The following CLNK variants were observed in gnomAD, a reference collection of about 807,000 sequenced individuals.
CLNK encodes cytokine dependent hematopoietic cell linker.
Under a neutral mutation model 68.6 loss-of-function variants are expected in CLNK, and 74 were observed. The ratio of observed to expected loss-of-function variants is 1.08; its 90% CI spans 0.89 to 1.31. The LOEUF is 1.31. CLNK is among the 50% of genes most tolerant of loss of function. The probability of loss-of-function intolerance (pLI) is 0.00; values close to 1 mark genes in which losing one functional copy is unlikely to be tolerated. For missense variants in CLNK, 553 were observed against 515.3 expected, an observed-to-expected ratio of 1.07 and a Z score of -0.71; for synonymous variants, 198 against 172.2, an observed-to-expected ratio of 1.15 and a Z score of -1.17.
the CLNK span, among the ~76,000 whole-genome samples, chr4:10,724,831 C>T: frequency 5.1e-4 from 78 of 152,312 alleles, 1 homozygote; most frequent in Non-Finnish European, 9.8e-4. Flanking sequence ...GGGAAGGGAA[C>T]TTCCCCTTCT....
At chr4:10,603,416 C>A (rs1721664414) in intron 2 of CLNK, among the ~76,000 whole-genome samples, 1 of 152,334 alleles carries the variant, frequency 6.6e-6, no homozygotes, top group East Asian at 1.9e-4. Flanking sequence ...ATCCTCTTAA[C>A]AATCCTATGA....
Position 10,490,140 on chromosome 4 carries a change from C to T in CLNK, c.*327G>A, listed in dbSNP as rs1342188111. On this transcript the variant is annotated 3_prime_UTR_variant, in exon 19 of 19. Coordinates refer to ENST00000226951, the MANE Select transcript of CLNK (RefSeq NM_052964.4). ...AGCTTCTGGTGCCCTTTGCTGCTCGCCTGTATCATGAGCATAATGGCTATG... is the reference window on the plus strand; with the variant it reads ...AGCTTCTGGTGCCCTTTGCTGCTCGTCTGTATCATGAGCATAATGGCTATG... 4.5e-6 allele frequency: 1 copy of T among 224,576 alleles called. No individual in the cohort carries two copies. The highest frequency in any genetic ancestry group is 2.3e-5 in the African/African-American group (1 of 42,940). 13.9% of individuals were successfully genotyped at this position (224,576 alleles called of 1,614,324 possible).
intron 8 of CLNK, among the ~76,000 whole-genome samples, chr4:10,543,008 A>G (rs1034673479): frequency 6.6e-6 from 1 of 152,172 alleles, no homozygotes; most frequent in Non-Finnish European, 1.5e-5. Context: ...CACTGGGGAA[A>G]AAAGACAAAT....
intron 2 of CLNK, among the ~76,000 whole-genome samples, chr4:10,662,385 T>G (rs1445866534): frequency 6.6e-6 from 1 of 152,242 alleles, no homozygotes; most frequent in Non-Finnish European, 1.5e-5. Flanking sequence ...ACACAGTGCA[T>G]GTGCTGTACA....
intron 16 of CLNK, among the ~76,000 whole-genome samples, chr4:10,509,076 C>T (rs1717450238): frequency 7.5e-6 from 1 of 133,206 alleles, no homozygotes. Flanking sequence ...CACTGCACTC[C>T]AGCCTGGTGA....
At chr4:10,493,795 AG>A (rs1327636509) in intron 18 of CLNK, among the ~76,000 whole-genome samples, 2 of 152,200 alleles carry the variant, frequency 1.3e-5, no homozygotes, top group Non-Finnish European at 2.9e-5. Context: ...CTGAGTTCAA[AG>A]CCTGGCTCTC....
At chr4:10,652,431 A>T (rs1395583254) in intron 2 of CLNK, among the ~76,000 whole-genome samples, 2 of 151,080 alleles carry the variant, frequency 1.3e-5, no homozygotes, top group Non-Finnish European at 3.0e-5. Context: ...GTTTCACTAG[A>T]TTAAAAATTC....
At chr4:10,677,566 G>T (rs1724923092) in intron 1 of CLNK, among the ~76,000 whole-genome samples, 1 of 152,058 alleles carries the variant, frequency 6.6e-6, no homozygotes, top group African/African-American at 2.4e-5. Context: ...GATCATGGGG[G>T]TGGTTTCCCC....
At chr4:10,633,487 C>G (rs1055559403) in intron 2 of CLNK, among the ~76,000 whole-genome samples, 2 of 152,180 alleles carry the variant, frequency 1.3e-5, no homozygotes, top group Admixed American at 1.3e-4. Context: ...CCATTTAATT[C>G]CCATTCCCTA....
chr4:10,664,154 A>AT (rs1391431030), intron 2 of CLNK, among the ~76,000 whole-genome samples: 1 of 152,212 alleles, frequency 6.6e-6, no homozygotes, highest in African/African-American at 2.4e-5. Flanking sequence ...ATTGTAAGAA[A>AT]TTCCAGATTA....
chr4:10,583,272 T>C (rs1720849068), intron 4 of CLNK, among the ~76,000 whole-genome samples: 1 of 152,072 alleles, frequency 6.6e-6, no homozygotes, highest in Admixed American at 6.6e-5. Flanking sequence ...TTTCTTTCTC[T>C]CTCTCTCTTT....
At chr4:10,551,499 G>T (rs541234576) in intron 8 of CLNK, among the ~76,000 whole-genome samples, 2 of 152,082 alleles carry the variant, frequency 1.3e-5, no homozygotes, top group South Asian at 4.2e-4. Context: ...AAACTCCTGG[G>T]CTCAAGTGAT....
chr4:10,532,300 T>C lies in CLNK; in HGVS notation c.603-17A>G, dbSNP rs1180061384. On this transcript the variant is annotated splice_polypyrimidine_tract_variant and intron_variant, in intron 11 of 18. Coordinates refer to ENST00000226951, the MANE Select transcript of CLNK (RefSeq NM_052964.4). ...CTTATCTGACTGCAAGAAAAAGAAA[T>C]ACGGTGTTACATAAAACACAGTTCA... The C allele has an allele frequency of 6.2e-7, 1 of 1,601,298 alleles. No individual in the cohort carries two copies. Among genetic ancestry groups the C allele is most frequent in the Non-Finnish European group, 8.5e-7 (1 of 1,170,146 alleles).
chr4:10,734,213 A>G, the CLNK span, among the ~76,000 whole-genome samples: 14 of 152,176 alleles, frequency 9.2e-5, no homozygotes, highest in African/African-American at 3.1e-4. Flanking sequence ...CAATCGTAGG[A>G]TTTGCAAAGC....
the CLNK span, among the ~76,000 whole-genome samples, chr4:10,698,796 A>T: frequency 6.6e-6 from 1 of 152,208 alleles, no homozygotes; most frequent in African/African-American, 2.4e-5. Flanking sequence ...ATTACTGTGC[A>T]GGTGTTTCTG....
At chr4:10,534,617 A>G (rs528044602) in intron 11 of CLNK, among the ~76,000 whole-genome samples, 97 of 152,352 alleles carry the variant, frequency 6.4e-4, no homozygotes, top group African/African-American at 2.3e-3. Flanking sequence ...TGAAGATTCT[A>G]ATGAAAGAAT....
chr4:10,632,105 C>T (rs182707784), intron 2 of CLNK, among the ~76,000 whole-genome samples: 4 of 152,276 alleles, frequency 2.6e-5, no homozygotes, highest in Admixed American at 6.5e-5. Context: ...ATATCCAAAA[C>T]GTAACTCTTA....
At chr4:10,562,152 G>A (rs1719918274) in intron 7 of CLNK, among the ~76,000 whole-genome samples, 1 of 138,012 alleles carries the variant, frequency 7.2e-6, no homozygotes, top group Admixed American at 7.9e-5. Context: ...CCAGGCTGAA[G>A]TGCAGTGGTG....
chr4:10,575,070 T>G (rs1484051969), intron 4 of CLNK, among the ~76,000 whole-genome samples: 2 of 152,164 alleles, frequency 1.3e-5, no homozygotes, highest in African/African-American at 4.8e-5. Flanking sequence ...TGTCTGCAGC[T>G]TGTCCTGCTA....
Sources: gnomAD v4.1 joint callset for allele counts (sites outside exome capture counted in the v4.1 genomes callset) on GRCh38, gnomAD v4.1.1 for gene constraint, MANE v1.5 for transcripts, NCBI Gene and HGNC (gene_info 2026-07-23, HGNC 2026-07-21) for gene names.